RASSF3: variants seen among roughly 807,000 people sequenced by gnomAD.
RASSF3 encodes Ras association domain family member 3, also known as ras association domain-containing protein 3.
Under a neutral mutation model 19.9 loss-of-function variants are expected in RASSF3, and 19 were observed. That is an observed-to-expected ratio of 0.96 (90% CI 0.67 to 1.40). RASSF3 has a LOEUF of 1.40. Ranked by LOEUF, RASSF3 falls within the 40% of genes most tolerant of loss-of-function variation. The pLI, the probability that RASSF3 is intolerant of heterozygous loss-of-function variation, is 0.00. For missense variants in RASSF3, 306 were observed against 289.8 expected (o/e 1.06, Z -0.41); for synonymous variants, 110 against 104.2 (o/e 1.06, Z -0.34).
At chr12:64,653,357 G>A (rs1872032703) in intron 1 of RASSF3, among the ~76,000 whole-genome samples, 1 of 152,120 alleles carries the variant, frequency 6.6e-6, no homozygotes, top group African/African-American at 2.4e-5. Context: ...TGGGATTACA[G>A]GCATGACTGA....
In RASSF3 at chr12:64,551,940, G is replaced by A. The variant is rs149381606; in HGVS notation, c.294+10235G>A. The stretch of plus-strand genomic sequence containing the variant: ...ATTATCTTCAAATAGATTACGAGAT[G>A]TGCACAGCAACGTCCACCCGCCTTA... On this transcript the variant is annotated intron_variant, in intron 2 of 5. Coordinates refer to the RASSF3 transcript ENST00000637125. Among the ~76,000 whole-genome samples, 194 of 152,242 alleles carry A rather than the reference G, an allele frequency of 1.3e-3. 1 individual carries two copies. The highest frequency in any genetic ancestry group is 4.5e-3 in the African/African-American group (188 of 41,528).
intron 2 of RASSF3, chr12:64,599,031 TC>T (rs1870043829): frequency 6.6e-6 from 1 of 151,992 alleles, no homozygotes; most frequent in Admixed American, 6.6e-5. Flanking sequence ...TTATTTCTGT[TC>T]CCCTCTCTAT....
intron 2 of RASSF3, among the ~76,000 whole-genome samples, chr12:64,555,546 G>A (rs541089132): frequency 6.6e-6 from 1 of 152,050 alleles, no homozygotes; most frequent in African/African-American, 2.4e-5. Context: ...TCAGGAGATT[G>A]AGACCATCCT....
intron 1 of RASSF3, among the ~76,000 whole-genome samples, chr12:64,540,587 T>C (rs1416980065): frequency 6.6e-6 from 1 of 152,204 alleles, no homozygotes; most frequent in Non-Finnish European, 1.5e-5. Flanking sequence ...GTTACATTCA[T>C]ATAAAGGAAT....
chr12:64,643,882 CAAAGT>C (rs1425880210), intron 1 of RASSF3, among the ~76,000 whole-genome samples: 6 of 152,152 alleles, frequency 3.9e-5, no homozygotes, highest in Non-Finnish European at 7.3e-5. Flanking sequence ...ATTATTTTAA[CAAAGT>C]AAAGCTTCAT....
chr12:64,682,144 C>T (rs1873147661), intron 1 of RASSF3, among the ~76,000 whole-genome samples: 1 of 152,270 alleles, frequency 6.6e-6, no homozygotes. Flanking sequence ...AGGATGCTCC[C>T]AAGGGACTTT....
At chr12:64,622,842 A>G (rs1211804646) in intron 1 of RASSF3, among the ~76,000 whole-genome samples, 2 of 147,940 alleles carry the variant, frequency 1.4e-5, no homozygotes, top group African/African-American at 2.5e-5. Flanking sequence ...TTTTTTTGAG[A>G]TGGAGTCTTG....
chr12:64,605,084 C>G (rs1190837831), intron 2 of RASSF3, among the ~76,000 whole-genome samples: 1 of 151,824 alleles, frequency 6.6e-6, no homozygotes, highest in Non-Finnish European at 1.5e-5. Context: ...CTCCCTGGTT[C>G]AAGTGATTCT....
chr12:64,586,094 G>A (rs1381465536), intron 2 of RASSF3, among the ~76,000 whole-genome samples: 1 of 152,124 alleles, frequency 6.6e-6, no homozygotes, highest in Non-Finnish European at 1.5e-5. Flanking sequence ...GGAGGGGGAG[G>A]TGGGTGGATC....
At chr12:64,649,434 C>A (rs1010482671) in intron 1 of RASSF3, among the ~76,000 whole-genome samples, 3 of 152,070 alleles carry the variant, frequency 2.0e-5, no homozygotes, top group Admixed American at 6.6e-5. Context: ...CCTTGTGATC[C>A]GTCTGCCTTG....
intron 2 of RASSF3, among the ~76,000 whole-genome samples, chr12:64,555,107 G>C (rs1181961962): frequency 6.6e-6 from 1 of 152,034 alleles, no homozygotes; most frequent in Non-Finnish European, 1.5e-5. Context: ...AGCTGGGTGT[G>C]GTGGTGCACA....
chr12:64,665,951 A>G (rs1052757173), intron 1 of RASSF3, among the ~76,000 whole-genome samples: 8 of 152,244 alleles, frequency 5.3e-5, no homozygotes, highest in African/African-American at 1.9e-4. Context: ...GAAGTGTTCT[A>G]TGTGTTCTCA....
chr12:64,539,768 T>C (rs533634838), intron 1 of RASSF3, among the ~76,000 whole-genome samples: 2 of 152,230 alleles, frequency 1.3e-5, no homozygotes, highest in East Asian at 3.9e-4. Flanking sequence ...GAGTGAGACC[T>C]TGTCTCAAAA....
intron 2 of RASSF3, among the ~76,000 whole-genome samples, chr12:64,598,666 C>T (rs1482310390): frequency 1.3e-5 from 2 of 152,136 alleles, no homozygotes; most frequent in African/African-American, 4.8e-5. Context: ...CTCAATTTCT[C>T]CCTGGAATGC....
intron 1 of RASSF3, among the ~76,000 whole-genome samples, chr12:64,509,029 T>G (rs1181545729): frequency 6.6e-6 from 1 of 152,214 alleles, no homozygotes; most frequent in Non-Finnish European, 1.5e-5. Flanking sequence ...ATAGGGAGAA[T>G]TTAACTTAAT....
intron 2 of RASSF3, among the ~76,000 whole-genome samples, chr12:64,564,284 C>T (rs1869393450): frequency 6.6e-6 from 1 of 152,180 alleles, no homozygotes; most frequent in Non-Finnish European, 1.5e-5. Flanking sequence ...GGGCCCTTGC[C>T]CTCTGAAAAC....
intron 1 of RASSF3, among the ~76,000 whole-genome samples, chr12:64,650,399 TTTTTTTTCC>T: frequency 7.3e-6 from 1 of 137,596 alleles, no homozygotes; most frequent in Non-Finnish European, 1.5e-5. Flanking sequence ...AGGTGTTTCT[TTTTTTTTCC>T]TTTTTTTTTT....
At chr12:64,685,050 T>C (rs1427607634) in intron 2 of RASSF3, among the ~76,000 whole-genome samples, 156 bp downstream of exon 2, 1 of 152,242 alleles carries the variant, frequency 6.6e-6, no homozygotes, top group Non-Finnish European at 1.5e-5. Context: ...TCTGTGGCTT[T>C]CCATTTAAAT....
At chr12:64,509,428 C>CGACA (rs1182342097) in intron 1 of RASSF3, among the ~76,000 whole-genome samples, 3 of 152,176 alleles carry the variant, frequency 2.0e-5, no homozygotes, top group African/African-American at 4.8e-5. Context: ...CCAGCCTGGG[C>CGACA]GACAGAGCAA....
Sources: allele counts gnomAD v4.1 joint callset (sites outside exome capture counted in the v4.1 genomes callset), GRCh38; gene constraint gnomAD v4.1.1; transcripts MANE v1.5; gene names NCBI Gene and HGNC (gene_info 2026-07-23, HGNC 2026-07-21).